TPCN1: variants seen among roughly 807,000 people sequenced by gnomAD.
The protein encoded by TPCN1 is two pore segment channel 1, also known as two pore channel protein 1.
A neutral mutation model predicts 108.8 loss-of-function variants in TPCN1; 52 were observed. The observed-to-expected ratio is 0.48, with a 90% confidence interval of 0.38 to 0.60. The LOEUF (loss-of-function observed/expected upper bound fraction) is 0.60, where lower values mean the gene tolerates loss of function less well. Ranked by LOEUF, TPCN1 falls within the 20% of genes least tolerant of loss-of-function variation. The pLI, the probability that TPCN1 is intolerant of heterozygous loss-of-function variation, is 0.00. For missense variants in TPCN1, 806 were observed against 1,072.8 expected, an observed-to-expected ratio of 0.75 and a Z score of 3.47; for synonymous variants, 446 against 433.7, an observed-to-expected ratio of 1.03 and a Z score of -0.35.
At chr12:113,261,792 A>G (rs537465123) in intron 3 of TPCN1, among the ~76,000 whole-genome samples, 1 of 152,328 alleles carries the variant, frequency 6.6e-6, no homozygotes, top group East Asian at 1.9e-4. Flanking sequence ...ATAATCTTGA[A>G]TATTTTCCCT....
intron 15 of TPCN1, among the ~76,000 whole-genome samples, chr12:113,282,497 C>G (rs1421123383): frequency 1.3e-5 from 2 of 151,930 alleles, no homozygotes; most frequent in African/African-American, 4.8e-5. Flanking sequence ...GACCTAAAAT[C>G]CCAGCACTTC....
At chr12:113,223,337 G>A (rs1953334562) in intron 1 of TPCN1, among the ~76,000 whole-genome samples, 1 of 151,984 alleles carries the variant, frequency 6.6e-6, no homozygotes, top group African/African-American at 2.4e-5. Context: ...GACTAGGTCA[G>A]TTGGGAGGCA....
rs1956489161 is a variant in TPCN1, at chr12:113,298,206, G to A, written c.*2130G>A. The A allele has an allele frequency of 6.6e-6, 1 of 152,342 alleles. No individual in the cohort carries two copies. Among genetic ancestry groups the A allele is most frequent in the African/African-American group, 2.4e-5 (1 of 41,472 alleles). The allele number at this position is 152,342 out of a possible 1,614,324, so 9.4% of individuals were successfully genotyped here. A position where few individuals can be genotyped will look rare whatever the true frequency, so the allele number is the denominator to read the frequency against. On this transcript the variant is annotated 3_prime_UTR_variant, in exon 28 of 28. Transcript: ENST00000335509. ...GGGTGCCCTTGTCATTGAGGTTAGGGACAGCTATCCCCAGGTTATGCCTGG... is the reference window on the plus strand; with the variant it reads ...GGGTGCCCTTGTCATTGAGGTTAGGAACAGCTATCCCCAGGTTATGCCTGG...
intron 2 of TPCN1, among the ~76,000 whole-genome samples, chr12:113,230,301 T>C (rs1009016288): frequency 6.9e-6 from 1 of 144,322 alleles, no homozygotes; most frequent in Non-Finnish European, 1.5e-5. Context: ...TTTTTTTTTT[T>C]TTTTTGAGGT....
At chr12:113,254,167 T>C (rs1343330121) in intron 2 of TPCN1, among the ~76,000 whole-genome samples, 1 of 152,232 alleles carries the variant, frequency 6.6e-6, no homozygotes. Context: ...CTATATGTAC[T>C]GAAGAAGGTT....
intron 7 of TPCN1, among the ~76,000 whole-genome samples, chr12:113,270,776 G>A (rs917336297): frequency 2.0e-5 from 3 of 152,102 alleles, no homozygotes; most frequent in African/African-American, 7.2e-5. Context: ...ACCGCGCCCG[G>A]CCTCTGGGAC....
rs1035138040 is a variant in TPCN1 at position 113,287,427 on chromosome 12, G to C, written c.1634+333G>C. On this transcript the variant is annotated intron_variant, in intron 19 of 27. Coordinates refer to ENST00000335509, the MANE Select transcript of TPCN1 (RefSeq NM_017901.6). ...AGAGCCACAGGTCTGAGGGTTGGAA[G>C]GGCCTTTCAGGGGCCCTGCGTGCTT... 4 of 266,492 alleles carry C rather than the reference G, an allele frequency of 1.5e-5. No individual in the cohort carries two copies. In the South Asian group the frequency reaches 2.8e-4, roughly 19 times the overall value. 16.5% of individuals were successfully genotyped at this position (266,492 alleles called of 1,614,324 possible).
intron 10 of TPCN1, among the ~76,000 whole-genome samples, chr12:113,275,265 T>G (rs192997263): frequency 9.9e-4 from 150 of 152,240 alleles, no homozygotes; most frequent in African/African-American, 3.3e-3. Context: ...TGAGATGGAG[T>G]CTCGCTCTGT....
rs958106381 is a variant in TPCN1 at position 113,288,247 on chromosome 12, C to T, written c.1706+13C>T. 3.7e-6 allele frequency: 6 copies of T among 1,613,438 alleles called. No homozygotes were observed. Among genetic ancestry groups the T allele is most frequent in the Non-Finnish European group, 5.1e-6 (6 of 1,179,924 alleles). ...CCCGGATGGCCAGGTACTGCCAGCC[C>T]CCACCCTGGCCTGCAGGTCCAGGTG... On this transcript the variant is annotated intron_variant, in intron 20 of 27. Transcript: ENST00000335509. This position sits in a 1 kb window ranked among gnomAD's most constrained non-coding sequence, Gnocchi z 4.8.
chr12:113,285,532 T>C (rs1465400260), intron 17 of TPCN1, among the ~76,000 whole-genome samples: 1 of 152,138 alleles, frequency 6.6e-6, no homozygotes, highest in Admixed American at 6.5e-5. Flanking sequence ...AGCGCCACAA[T>C]GCCTGGCTAA....
rs1955366043 is a variant in TPCN1 at position 113,268,468 on chromosome 12, A to C, written c.529-274A>C. 6.6e-6 allele frequency among the ~76,000 whole-genome samples: 1 copy of C among 152,194 alleles called. No homozygotes were observed. Among genetic ancestry groups the C allele is most frequent in the Admixed American group, 6.5e-5 (1 of 15,278 alleles). ...TGATGTGAGTGGCGAGGGCTGATCG[A>C]GGGGTCCTGGCAGAGTGGCGGTTTT... is the stretch of plus-strand genomic sequence containing the variant. On this transcript the variant is annotated intron_variant, in intron 5 of 27. Coordinates refer to ENST00000335509, the MANE Select transcript of TPCN1 (RefSeq NM_017901.6). The surrounding 1 kb of genome is among the most constrained non-coding windows in gnomAD (Gnocchi z 7.3).
intron 27 of TPCN1, among the ~76,000 whole-genome samples, chr12:113,295,131 G>C (rs1956383849): frequency 6.6e-6 from 1 of 152,200 alleles, no homozygotes; most frequent in South Asian, 2.1e-4. Context: ...CTGTGCAGCA[G>C]CACCCATTCA....
Position 113,266,200 on chromosome 12 carries a change from G to A in TPCN1, c.258G>A (p.Lys86=). 6.2e-7 allele frequency: 1 copy of A among 1,614,146 alleles called. No individual in the cohort carries two copies. The highest frequency in any genetic ancestry group is 8.5e-7 in the Non-Finnish European group (1 of 1,180,030). The change falls in exon 4 of 28, where the codon AAG becomes AAA. Residue 86 remains lysine, a synonymous_variant. Coordinates refer to ENST00000335509, the MANE Select transcript of TPCN1 (RefSeq NM_017901.6). This position sits in a 1 kb window ranked among gnomAD's most constrained non-coding sequence, Gnocchi z 4.2. ...IYLQEGENND[K]FFTHPKDAKA... ...TTCAGGAAGGCGAGAACAACGACAA[G>A]TTCTTCACCCACCCCAAGGATGCCA...
intron 18 of TPCN1, among the ~76,000 whole-genome samples, chr12:113,286,372 G>C (rs983962921): frequency 7.8e-6 from 1 of 128,784 alleles, no homozygotes; most frequent in African/African-American, 2.8e-5. Context: ...TCCCTGCCCT[G>C]TTCAAGTTAA....
Position 113,260,477 on chromosome 12 carries a change from A to G in TPCN1, c.222A>G (p.Ala74=). Residue 74 remains alanine, a synonymous_variant, in exon 3 of 28, where the codon GCA becomes GCG. Transcript: ENST00000335509. ...AHNWEMNYQE[A]AIYLQEGENN... is the part of the protein sequence containing the mutation. ...ACTGGGAGATGAATTACCAAGAGGC[A>G]GCAATCTACCTCCAGGTGAGTATCT... is the stretch of plus-strand genomic sequence containing the variant. The G allele has an allele frequency of 6.4e-7, 1 of 1,573,118 alleles. No individual in the cohort carries two copies. The highest frequency in any genetic ancestry group is 1.2e-5 in the South Asian group (1 of 85,360).
At chr12:113,260,967 CAGATCACTTG>C (rs1398576808) in intron 3 of TPCN1, among the ~76,000 whole-genome samples, 2 of 151,948 alleles carry the variant, frequency 1.3e-5, no homozygotes, top group Non-Finnish European at 2.9e-5. Flanking sequence ...CCAAGGCCTG[CAGATCACTTG>C]AGATCAGGAG....
chr12:113,267,815 G>T, intron 4 of TPCN1, 28 bp from the exon 5 acceptor site: 33 of 1,546,380 alleles, frequency 2.1e-5, no homozygotes, highest in Non-Finnish European at 3.0e-5. Flanking sequence ...GGCTGGCCAT[G>T]ACACATCTCC....
At chr12:113,245,681 T>C (rs1056336590) in intron 2 of TPCN1, among the ~76,000 whole-genome samples, 8 of 152,066 alleles carry the variant, frequency 5.3e-5, no homozygotes, top group African/African-American at 1.9e-4. Flanking sequence ...ATTCTCTGCT[T>C]TTTCTGATCA....
In TPCN1 at chr12:113,268,608, T is replaced by G; in HGVS notation, c.529-134T>G. The G allele has an allele frequency of 1.8e-6, 2 of 1,087,822 alleles. No homozygotes were observed. The highest frequency in any genetic ancestry group is 2.6e-6 in the Non-Finnish European group (2 of 769,498). 67.4% of individuals were successfully genotyped at this position (1,087,822 alleles called of 1,614,324 possible). A position where few individuals can be genotyped will look rare whatever the true frequency, so the allele number is the denominator to read the frequency against. On this transcript the variant is annotated intron_variant, in intron 5 of 27. Transcript: ENST00000335509. This position sits in a 1 kb window ranked among gnomAD's most constrained non-coding sequence, Gnocchi z 7.3. ...GGGGCTGCCTGATGTTGGCAGGAAG[T>G]GTGAGAGGGCTGGAGAGAGGAGAAG...
Sources: allele counts gnomAD v4.1 joint callset (sites outside exome capture counted in the v4.1 genomes callset), GRCh38; gene constraint gnomAD v4.1.1; non-coding constraint Gnocchi (gnomAD v3.1); transcripts MANE v1.5; gene names NCBI Gene and HGNC (gene_info 2026-07-23, HGNC 2026-07-21).